NADK: variants seen among roughly 807,000 people sequenced by gnomAD.
NADK encodes the protein poly(P)/ATP NAD kinase.
NADK carries 22 observed loss-of-function variants against 49.8 expected under a neutral mutation model. The observed-to-expected ratio is 0.44, with a 90% CI of 0.32 to 0.63. NADK has a LOEUF of 0.63. Ranked by LOEUF, NADK falls within the 30% of genes least tolerant of loss-of-function variation. The pLI is 0.06. For missense variants in NADK, 438 were observed against 609.4 expected (o/e 0.72, Z 2.96); for synonymous variants, 268 against 253.7 (o/e 1.06, Z -0.54).
At chr1:1,772,174 T>C (rs1646072295) in intron 1 of NADK, among the ~76,000 whole-genome samples, 1 of 151,390 alleles carries the variant, frequency 6.6e-6, no homozygotes. Flanking sequence ...TTTTTTTTTT[T>C]CCTGTTTTAG....
intron 1 of NADK, among the ~76,000 whole-genome samples, chr1:1,776,585 C>T (rs1646216699): frequency 6.6e-6 from 1 of 151,884 alleles, no homozygotes; most frequent in Non-Finnish European, 1.5e-5. Context: ...ACAAGCCTGG[C>T]CAACACAGTG....
intron 1 of NADK, among the ~76,000 whole-genome samples, chr1:1,768,613 CA>C (rs1455730801): frequency 6.6e-6 from 1 of 152,136 alleles, no homozygotes; most frequent in Non-Finnish European, 1.5e-5. Flanking sequence ...TCACTGGGCA[CA>C]AAAGTAAAGC....
In NADK at chr1:1,752,659, G is replaced by A. The variant is rs1008200386; in HGVS notation, c.*245C>T. ...AGGCCGCGCTCCAGGGACCCACCGCGGGGTGTCAGCAGGACAGAAGCACTC... is the reference window on the plus strand; with the variant it reads ...AGGCCGCGCTCCAGGGACCCACCGCAGGGTGTCAGCAGGACAGAAGCACTC... On this transcript the variant is annotated 3_prime_UTR_variant, in exon 12 of 12. Transcript: ENST00000341426. 9.1e-6 allele frequency: 4 copies of A among 438,462 alleles called. No individual in the cohort carries two copies. Among genetic ancestry groups the A allele is most frequent in the South Asian group, 5.3e-5 (1 of 18,824 alleles). 27.2% of individuals were successfully genotyped at this position (438,462 alleles called of 1,614,324 possible).
chr1:1,760,803 T>C (rs1645697876), intron 3 of NADK, among the ~76,000 whole-genome samples: 1 of 152,062 alleles, frequency 6.6e-6, no homozygotes. Context: ...GTCTACCAGG[T>C]GCAGAATACG....
In NADK at chr1:1,756,708, G is replaced by A. The variant is rs1179647593; in HGVS notation, c.394-100C>T. On this transcript the variant is annotated intron_variant, in intron 4 of 11. Coordinates refer to ENST00000341426, the MANE Select transcript of NADK (RefSeq NM_023018.5). ...GCGCTGTGGTCAGAGACCTGGCATCGTGGCCTGCATGCCCGCCCCCCCACG... is the reference window on the plus strand; with the variant it reads ...GCGCTGTGGTCAGAGACCTGGCATCATGGCCTGCATGCCCGCCCCCCCACG... 2.7e-5 allele frequency: 43 copies of A among 1,587,860 alleles called. No individual in the cohort carries two copies. In the South Asian group the frequency reaches 3.5e-4, roughly 13 times the overall value.
intron 3 of NADK, chr1:1,759,178 C>T: frequency 3.8e-6 from 6 of 1,568,490 alleles, no homozygotes; most frequent in Non-Finnish European, 5.2e-6. Context: ...CGGCGTCGTA[C>T]ACCGGCCCAG....
rs200585125 is a variant in NADK at position 1,754,024 on chromosome 1, C to T, written c.1101+27G>A. On this transcript the variant is annotated intron_variant, in intron 10 of 11. Transcript: ENST00000341426. The surrounding 1 kb of genome is among the most constrained non-coding windows in gnomAD (Gnocchi z 4.3). ...GCACGGGGTCAAATGACTCACAAACCGGAAAAGGAGTGTCGTTGGCTCTGA... is the reference window on the plus strand; with the variant it reads ...GCACGGGGTCAAATGACTCACAAACTGGAAAAGGAGTGTCGTTGGCTCTGA... The T allele has an allele frequency of 2.3e-3, 3,552 of 1,546,170 alleles. 10 individuals carry two copies. The highest frequency in any genetic ancestry group is 2.9e-3 in the Non-Finnish European group (3,320 of 1,147,340).
chr1:1,769,599 G>A (rs1311357730), intron 1 of NADK, among the ~76,000 whole-genome samples: 1 of 152,046 alleles, frequency 6.6e-6, no homozygotes, highest in Non-Finnish European at 1.5e-5. Flanking sequence ...GTGGTGGCGC[G>A]TGCCTGTAAT....
chr1:1,779,023 G>A (rs576080747), upstream of NADK: 1 of 152,348 alleles, frequency 6.6e-6, no homozygotes, highest in Non-Finnish European at 1.5e-5. Context: ...GCGCTCCCTC[G>A]GGGCTGTCCG....
intron 1 of NADK, among the ~76,000 whole-genome samples, chr1:1,775,137 G>C (rs899898511): frequency 6.6e-6 from 1 of 151,858 alleles, no homozygotes; most frequent in African/African-American, 2.4e-5. Context: ...CTCTGTATTA[G>C]GAAGTTTTAT....
rs1181237135 is a variant in NADK at position 1,778,458 on chromosome 1, G to A, written c.-210C>T. ...CGGCGCCGCCGAGCAGCAATGCGCC[G>A]CGCCCGCCCACTGCGCAGGCGCACC... On this transcript the variant is annotated 5_prime_UTR_variant, in exon 1 of 12. Transcript: ENST00000341426. This position sits in a 1 kb window ranked among gnomAD's most constrained non-coding sequence, Gnocchi z 4.9. 1 of 147,840 alleles carries A rather than the reference G, an allele frequency of 6.8e-6. No individual in the cohort carries two copies. Among genetic ancestry groups the A allele is most frequent in the Non-Finnish European group, 1.5e-5 (1 of 66,334 alleles). 9.2% of individuals were successfully genotyped at this position (147,840 alleles called of 1,614,324 possible).
intron 1 of NADK, among the ~76,000 whole-genome samples, chr1:1,768,996 T>C (rs1179398954): frequency 6.6e-6 from 1 of 152,160 alleles, no homozygotes; most frequent in Non-Finnish European, 1.5e-5. Context: ...CTACGTGCCC[T>C]CCAGACTGAA....
intron 3 of NADK, chr1:1,758,572 C>T (rs1219798630): frequency 6.6e-7 from 1 of 1,526,382 alleles, no homozygotes; most frequent in Non-Finnish European, 8.8e-7. Context: ...GAAGCCTAAG[C>T]TCTTCATACT....
Position 1,756,207 on chromosome 1 carries a change from G to C in NADK, c.585+51C>G, listed in dbSNP as rs574284787. 6.6e-6 allele frequency: 10 copies of C among 1,507,224 alleles called. No homozygotes were observed. The Admixed American group carries it at 1.7e-4, about 25-fold the overall frequency. 93.4% of individuals were successfully genotyped at this position (1,507,224 alleles called of 1,614,324 possible). ...GCCATGCTTGTGAGCCCCTCGTTAC[G>C]CAGCACCTAGACTAGAACCTGGTGT... On this transcript the variant is annotated intron_variant, in intron 6 of 11. Coordinates refer to ENST00000341426, the MANE Select transcript of NADK (RefSeq NM_023018.5).
chr1:1,753,575 A>G lies in NADK; in HGVS notation c.1176T>C (p.His392=), dbSNP rs1275858127. The G allele has an allele frequency of 1.2e-6, 2 of 1,612,344 alleles. No individual in the cohort carries two copies. The highest frequency in any genetic ancestry group is 1.7e-5 in the Admixed American group (1 of 59,918). The change falls in exon 11 of 12, where the codon CAT becomes CAC. Residue 392 remains histidine (H), a synonymous_variant. Transcript: ENST00000341426. ...FDGRKRQEIR[H]GDSISITTSC... ...CGGCATGCAGCCCACACCTGTCTCC[A>G]TGGCGGATCTCTTGTCTCTTCCGTC... is the stretch of plus-strand genomic sequence containing the variant.
chr1:1,757,006 G>A, intron 4 of NADK, 175 bp downstream of exon 4: 1 of 1,055,646 alleles, frequency 9.5e-7, no homozygotes, highest in Non-Finnish European at 1.4e-6. Flanking sequence ...GCTTGCCATG[G>A]CGGCACACAC....
chr1:1,753,946 C>G (rs1570496497), intron 10 of NADK, 105 bp downstream of exon 10: 1 of 1,417,596 alleles, frequency 7.1e-7, no homozygotes, highest in East Asian at 2.3e-5. Context: ...GAGGCCGCGT[C>G]TGAGGCTGGA....
chr1:1,773,606 TAAAC>T (rs1251848305), intron 1 of NADK, among the ~76,000 whole-genome samples: 3 of 148,948 alleles, frequency 2.0e-5, no homozygotes, highest in Non-Finnish European at 3.0e-5. Context: ...TAATAAAAAA[TAAAC>T]AAATCAAAAT....
intron 7 of NADK, 137 bp downstream of exon 7, chr1:1,755,237 G>A: frequency 1.4e-6 from 1 of 715,172 alleles, no homozygotes; most frequent in Non-Finnish European, 2.4e-6. Context: ...AACCACTCAA[G>A]ATTTAGAAAT....
Sources: allele counts gnomAD v4.1 joint callset (sites outside exome capture counted in the v4.1 genomes callset), GRCh38; gene constraint gnomAD v4.1.1; non-coding constraint Gnocchi (gnomAD v3.1); transcripts MANE v1.5; gene names NCBI Gene and HGNC (gene_info 2026-07-23, HGNC 2026-07-21).